The following CACHD1 variants were observed in gnomAD, a reference collection of about 807,000 sequenced individuals.
CACHD1 encodes the protein VWFA and cache domain-containing protein 1.
Under a neutral mutation model 138.7 loss-of-function variants are expected in CACHD1, and 71 were observed. The observed-to-expected ratio is 0.51, with a 90% CI of 0.42 to 0.62. The LOEUF (loss-of-function observed/expected upper bound fraction) is 0.62, where lower values mean the gene tolerates loss of function less well. Ranked by LOEUF, CACHD1 falls within the 20% of genes least tolerant of loss-of-function variation. The pLI, the probability that CACHD1 is intolerant of heterozygous loss-of-function variation, is 0.00. For missense variants in CACHD1, 1,389 were observed against 1,625.3 expected (o/e 0.85, Z 2.50); for synonymous variants, 578 against 591.5 (o/e 0.98, Z 0.33).
chr1:64,671,411 A>G (rs1649812434), intron 16 of CACHD1, among the ~76,000 whole-genome samples, 153 bp from the exon 17 acceptor site: 1 of 152,204 alleles, frequency 6.6e-6, no homozygotes, highest in Non-Finnish European at 1.5e-5. Context: ...GTGTTAAATC[A>G]GTCACTTAGT....
intron 3 of CACHD1, among the ~76,000 whole-genome samples, chr1:64,594,245 A>C (rs1332439086): frequency 7.9e-6 from 1 of 126,924 alleles, no homozygotes; most frequent in Non-Finnish European, 1.7e-5. Flanking sequence ...CAAGAGCAAA[A>C]CTTTGTCTAA....
At chr1:64,518,194 AACTTCTTT>A (rs1388103384) in intron 1 of CACHD1, among the ~76,000 whole-genome samples, 2 of 152,158 alleles carry the variant, frequency 1.3e-5, no homozygotes, top group Non-Finnish European at 2.9e-5. Context: ...ACCTGTGCTT[AACTTCTTT>A]CCTCTAAGAT....
At position 64,675,993 on chromosome 1, in the gene CACHD1, TTA is replaced by T. The variant is rs1491337672; in HGVS notation, c.2975+11_2975+12del. 27 of 420,624 alleles carry T rather than the reference TTA, an allele frequency of 6.4e-5. No individual in the cohort carries two copies. The highest frequency in any genetic ancestry group is 1.0e-4 in the Non-Finnish European group (26 of 261,048). 26.1% of individuals were successfully genotyped at this position (420,624 alleles called of 1,614,324 possible). A position where few individuals can be genotyped will look rare whatever the true frequency, so the allele number is the denominator to read the frequency against. On this transcript the variant is annotated intron_variant, in intron 21 of 26. Transcript: ENST00000651257. Reference sequence around the variant, plus strand: ...CCAATGCAGAGAACCGGTAAAATAATTAATAATAATAATAATAATAATAATAA... The same window carrying T: ...CCAATGCAGAGAACCGGTAAAATAATATAATAATAATAATAATAATAATAA...
chr1:64,563,065 C>T (rs749037702), intron 2 of CACHD1, among the ~76,000 whole-genome samples: 3 of 152,118 alleles, frequency 2.0e-5, no homozygotes, highest in East Asian at 1.9e-4. Flanking sequence ...GACAACTGCT[C>T]AAAACTCAGC....
At chr1:64,561,874 A>AG (rs1553133308) in intron 2 of CACHD1, among the ~76,000 whole-genome samples, 93 of 151,242 alleles carry the variant, frequency 6.1e-4, no homozygotes, top group African/African-American at 2.2e-3. Flanking sequence ...AAAAAAAAAA[A>AG]AGTTTCTATT....
At chr1:64,637,820 A>C (rs1315538292) in intron 7 of CACHD1, among the ~76,000 whole-genome samples, 1 of 152,220 alleles carries the variant, frequency 6.6e-6, no homozygotes, top group Admixed American at 6.5e-5. Flanking sequence ...AGACTTCAGG[A>C]ATGAGCGTTG....
At chr1:64,654,568 C>A (rs1649202105) in intron 11 of CACHD1, 118 bp from the exon 12 acceptor site, 4 of 706,874 alleles carry the variant, frequency 5.7e-6, no homozygotes, top group Admixed American at 2.2e-5. Flanking sequence ...AACTGATGAG[C>A]TTCTTTGGTA....
Position 64,628,102 on chromosome 1 carries a change from T to C in CACHD1, c.518-1253T>C, listed in dbSNP as rs143039187. 7.2e-4 allele frequency among the ~76,000 whole-genome samples: 109 copies of C among 152,340 alleles called. 1 individual carries two copies. Among genetic ancestry groups the C allele is most frequent in the African/African-American group, 2.4e-3 (100 of 41,580 alleles). On this transcript the variant is annotated intron_variant, in intron 4 of 26. Transcript: ENST00000651257. ...TTTTGTGCAACTTAAATATCCTGTG[T>C]GAAAGCTCTTTGTCTACAGTAGAGG...
At chr1:64,569,139 TCGAACTCC>T (rs1646906518) in intron 2 of CACHD1, among the ~76,000 whole-genome samples, 1 of 152,118 alleles carries the variant, frequency 6.6e-6, no homozygotes, top group African/African-American at 2.4e-5. Context: ...CATGCTGGTC[TCGAACTCC>T]CGACATCAGG....
chr1:64,482,862 A>C (rs143650202), intron 1 of CACHD1, among the ~76,000 whole-genome samples: 61 of 152,306 alleles, frequency 4.0e-4, no homozygotes, highest in Middle Eastern at 3.4e-3. Flanking sequence ...TACTTATTAG[A>C]GCATGAGCTC....
intron 7 of CACHD1, among the ~76,000 whole-genome samples, chr1:64,640,199 C>T (rs563288598): frequency 6.6e-6 from 1 of 152,266 alleles, no homozygotes; most frequent in Admixed American, 6.5e-5. Context: ...GAGGCAGCTA[C>T]CCCAGGAGGT....
chr1:64,475,822 T>G (rs1646171836), intron 1 of CACHD1, among the ~76,000 whole-genome samples: 1 of 152,130 alleles, frequency 6.6e-6, no homozygotes, highest in South Asian at 2.1e-4. Flanking sequence ...TGGGGTTAGA[T>G]TAAACTGGCA....
intron 4 of CACHD1, among the ~76,000 whole-genome samples, chr1:64,616,212 T>C (rs1012319640): frequency 6.6e-6 from 1 of 152,216 alleles, no homozygotes; most frequent in Non-Finnish European, 1.5e-5. Context: ...TAACAGCAGC[T>C]TCATTTTACT....
At chr1:64,609,540 A>G (rs1216904721) in intron 4 of CACHD1, among the ~76,000 whole-genome samples, 1 of 152,138 alleles carries the variant, frequency 6.6e-6, no homozygotes, top group Non-Finnish European at 1.5e-5. Context: ...TCCCCCTTCA[A>G]ACTCTATTCC....
At chr1:64,548,206 G>A (rs1409149402) in intron 1 of CACHD1, among the ~76,000 whole-genome samples, 1 of 152,156 alleles carries the variant, frequency 6.6e-6, no homozygotes, top group Non-Finnish European at 1.5e-5. Flanking sequence ...GCCCTTTGTG[G>A]GTGTTGGCTT....
intron 2 of CACHD1, among the ~76,000 whole-genome samples, chr1:64,561,055 T>G (rs1318116528): frequency 6.6e-6 from 1 of 152,164 alleles, no homozygotes; most frequent in South Asian, 2.1e-4. Context: ...CAATTATAGA[T>G]AGCATATAGA....
chr1:64,566,484 C>A (rs886970584), intron 2 of CACHD1, among the ~76,000 whole-genome samples: 1 of 141,888 alleles, frequency 7.0e-6, no homozygotes, highest in African/African-American at 2.5e-5. Context: ...TCAATTCCCC[C>A]CCCCCCACAA....
At chr1:64,519,022 C>T (rs1646478865) in intron 1 of CACHD1, among the ~76,000 whole-genome samples, 1 of 152,142 alleles carries the variant, frequency 6.6e-6, no homozygotes, top group South Asian at 2.1e-4. Context: ...TTCCCTTCCT[C>T]ATTATGTTAA....
intron 1 of CACHD1, among the ~76,000 whole-genome samples, chr1:64,516,914 G>T (rs1646463376): frequency 6.6e-6 from 1 of 152,196 alleles, no homozygotes. Context: ...ATTCAGCATT[G>T]CAATTAACTG....
Sources: gnomAD v4.1 joint callset for allele counts (sites outside exome capture counted in the v4.1 genomes callset) on GRCh38, gnomAD v4.1.1 for gene constraint, MANE v1.5 for transcripts, NCBI Gene and HGNC (gene_info 2026-07-23, HGNC 2026-07-21) for gene names.